The following ITSN1 variants were observed in gnomAD, a reference collection of about 807,000 sequenced individuals.
ITSN1 encodes the protein intersectin 1, also known as intersectin-1.
In ITSN1, 58 loss-of-function variants were observed where a neutral mutation model predicts 239.8. That is an observed-to-expected ratio of 0.24 (90% CI 0.20 to 0.30). The LOEUF (loss-of-function observed/expected upper bound fraction) is 0.30, where lower values mean the gene tolerates loss of function less well. ITSN1 is among the 10% of genes least tolerant of loss of function. The pLI is 1.00. For missense variants in ITSN1, 1,558 were observed against 2,103.3 expected (o/e 0.74, Z 5.07); for synonymous variants, 780 against 770.8 (o/e 1.01, Z -0.20).
Position 33,755,278 on chromosome 21 carries a change from C to T in ITSN1, c.624-19C>T. 6.6e-7 allele frequency: 1 copy of T among 1,503,906 alleles called. No individual in the cohort carries two copies. The highest frequency in any genetic ancestry group is 9.2e-7 in the Non-Finnish European group (1 of 1,091,318). 93.2% of individuals were successfully genotyped at this position (1,503,906 alleles called of 1,614,324 possible). A position where few individuals can be genotyped will look rare whatever the true frequency, so the allele number is the denominator to read the frequency against. On this transcript the variant is annotated intron_variant, in intron 7 of 39. Coordinates refer to ENST00000381318, the MANE Select transcript of ITSN1 (RefSeq NM_003024.3). ...CCTTATGGATAATCCTCTTTCTCTCCTTTTTCTTTTCCCCACAGTGTCCCA... is the reference window on the plus strand; with the variant it reads ...CCTTATGGATAATCCTCTTTCTCTCTTTTTTCTTTTCCCCACAGTGTCCCA...
At chr21:33,828,216 A>G (rs1376457264) in intron 26 of ITSN1, among the ~76,000 whole-genome samples, 1 of 152,264 alleles carries the variant, frequency 6.6e-6, no homozygotes, top group East Asian at 1.9e-4. Context: ...CTTGAGGAGC[A>G]AGAACATCCA....
rs775912926 is a variant in ITSN1 at position 33,888,176 on chromosome 21, G to A, written c.5042G>A (p.Arg1681His). The change falls in exon 40 of 40, where the codon CGT (arginine) becomes CAT (histidine). Residue 1681 changes from arginine (R) to histidine (H), a missense_variant. This residue lies in a region of ITSN1 where 576 missense variants were observed against 893.3 expected (regional missense o/e 0.64). Coordinates refer to ENST00000381318, the MANE Select transcript of ITSN1 (RefSeq NM_003024.3). Reference sequence around the variant, plus strand: ...GATTTTTTGGGTCGGACGGAGATCCGTGTGGCGGACATCAAGAAAGACCAG... The same window carrying A: ...GATTTTTTGGGTCGGACGGAGATCCATGTGGCGGACATCAAGAAAGACCAG... The part of the protein sequence containing the change: ...PDDFLGRTEI[R>H]VADIKKDQGS... The A allele has an allele frequency of 5.0e-6, 8 of 1,613,960 alleles. No homozygotes were observed. Among genetic ancestry groups the A allele is most frequent in the African/African-American group, 2.7e-5 (2 of 74,880 alleles).
intron 22 of ITSN1, chr21:33,817,396 C>T (rs1354211514): frequency 1.5e-6 from 2 of 1,304,462 alleles, no homozygotes; most frequent in East Asian, 5.5e-5. Flanking sequence ...AAGTCCTTCT[C>T]ATCCTTCAAG....
In ITSN1 at chr21:33,891,528, G is replaced by C. The variant is rs1308005736; in HGVS notation, c.*3228G>C. ...CTTATCTCGGTGACCTGGTACCAAA[G>C]CCCAGGTGTCCTCCAGGGGAGTATT... On this transcript the variant is annotated 3_prime_UTR_variant, in exon 40 of 40. Coordinates refer to ENST00000381318, the MANE Select transcript of ITSN1 (RefSeq NM_003024.3). 1 of 152,092 alleles carries C rather than the reference G, an allele frequency of 6.6e-6. No homozygotes were observed. The highest frequency in any genetic ancestry group is 1.5e-5 in the Non-Finnish European group (1 of 68,024). The allele number at this position is 152,092 out of a possible 1,614,324, so 9.4% of individuals were successfully genotyped here. A position where few individuals can be genotyped will look rare whatever the true frequency, so the allele number is the denominator to read the frequency against.
chr21:33,730,385 G>GTT (rs2066097187), intron 4 of ITSN1, among the ~76,000 whole-genome samples: 5 of 75,834 alleles, frequency 6.6e-5, no homozygotes, highest in Admixed American at 1.7e-4. Context: ...AATGCTCTCT[G>GTT]TTCTTTTTTT....
intron 1 of ITSN1, among the ~76,000 whole-genome samples, chr21:33,681,616 TTTTTATTTTATTTTATTTTATTTTA>T (rs147580027): frequency 4.1e-5 from 6 of 147,156 alleles, no homozygotes; most frequent in Non-Finnish European, 7.5e-5. Flanking sequence ...TTGGAACCAG[TTTTTATTTTATTTTATTTTATTTTA>T]TTTTATTTTA....
At chr21:33,685,384 T>G (rs2091188442) in intron 1 of ITSN1, among the ~76,000 whole-genome samples, 1 of 152,112 alleles carries the variant, frequency 6.6e-6, no homozygotes, top group South Asian at 2.1e-4. Flanking sequence ...CTGTACTGCT[T>G]TGGTGGTGCC....
rs143129597 is a variant in ITSN1 at position 33,755,936 on chromosome 21, C to T, written c.724+539C>T. Among the ~76,000 whole-genome samples the T allele has an allele frequency of 1.3e-3, 201 of 152,238 alleles. 2 individuals are homozygous for T. The highest frequency in any genetic ancestry group is 4.7e-3 in the African/African-American group (195 of 41,538). ...AAAAGAAGAATGATTCTGTTATCTA[C>T]GTCAGAAGGATAGACAGGAATTTTA... On this transcript the variant is annotated intron_variant, in intron 8 of 39. Transcript: ENST00000381318.
intron 1 of ITSN1, among the ~76,000 whole-genome samples, chr21:33,717,597 C>T (rs2065227531): frequency 1.3e-5 from 2 of 151,888 alleles, no homozygotes; most frequent in African/African-American, 4.8e-5. Flanking sequence ...GCTAAGTCAC[C>T]CAGGCTGGAG....
intron 1 of ITSN1, among the ~76,000 whole-genome samples, chr21:33,658,330 C>T (rs2089263753): frequency 6.6e-6 from 1 of 152,072 alleles, no homozygotes; most frequent in South Asian, 2.1e-4. Context: ...AGTGGACCCA[C>T]ACAGTTAAAA....
intron 39 of ITSN1, among the ~76,000 whole-genome samples, chr21:33,887,651 G>C (rs927519309): frequency 2.0e-5 from 3 of 151,484 alleles, no homozygotes; most frequent in Non-Finnish European, 4.4e-5. Flanking sequence ...TGTCACTCAG[G>C]CTGGAGCACA....
chr21:33,865,257 T>G lies in ITSN1; in HGVS notation c.3997T>G (p.Cys1333Gly). The G allele has an allele frequency of 6.2e-7, 1 of 1,610,402 alleles. No individual in the cohort carries two copies. The highest frequency in any genetic ancestry group is 8.5e-7 in the Non-Finnish European group (1 of 1,178,636). ...GCACATGCAGCCCTACATCCGCTTC[T>G]GCAGCCGCCAGCTCAACGGGGCTGC... is the stretch of plus-strand genomic sequence containing the variant. ...LPHMQPYIRF[C>G]SRQLNGAALI... Residue 1333 changes from cysteine (C) to glycine (G), a missense_variant, in exon 32 of 40, where the codon TGC (cysteine) becomes GGC (glycine). Physicochemically the swap from Cys to Gly is radical, Grantham distance 159. Coordinates refer to ENST00000381318, the MANE Select transcript of ITSN1 (RefSeq NM_003024.3). This position sits in a 1 kb window ranked among gnomAD's most constrained non-coding sequence, Gnocchi z 4.4.
chr21:33,681,658 T>TTTTTG (rs2090965098), intron 1 of ITSN1, among the ~76,000 whole-genome samples: 1 of 137,254 alleles, frequency 7.3e-6, no homozygotes, highest in Non-Finnish European at 1.6e-5. Context: ...TTTATTTTAT[T>TTTTTG]TTTTGTTTTG....
chr21:33,818,155 C>G, intron 22 of ITSN1, 112 bp from the exon 23 acceptor site: 1 of 791,566 alleles, frequency 1.3e-6, no homozygotes, highest in African/African-American at 1.7e-5. Context: ...CCCTTTGTGG[C>G]TGTGTGTGCT....
intron 21 of ITSN1, among the ~76,000 whole-genome samples, chr21:33,811,715 GGTGTTT>G (rs1339526973): frequency 6.6e-6 from 1 of 152,192 alleles, no homozygotes; most frequent in Non-Finnish European, 1.5e-5. Flanking sequence ...AGAATGAAGA[GGTGTTT>G]GCACTTGGCC....
intron 14 of ITSN1, among the ~76,000 whole-genome samples, chr21:33,776,386 TA>T (rs577351835): frequency 0.094 from 11,830 of 126,140 alleles, 651 homozygotes; most frequent in Non-Finnish European, 0.12. Flanking sequence ...ACCCCATCTC[TA>T]AAAAAAAAAA....
intron 1 of ITSN1, among the ~76,000 whole-genome samples, chr21:33,662,318 A>G (rs899678216): frequency 2.0e-5 from 3 of 151,828 alleles, no homozygotes; most frequent in Non-Finnish European, 2.9e-5. Flanking sequence ...CTTTCCATCT[A>G]TTTTCTAGGG....
chr21:33,835,434 T>C (rs561578748), intron 28 of ITSN1, among the ~76,000 whole-genome samples: 1 of 152,296 alleles, frequency 6.6e-6, no homozygotes, highest in South Asian at 2.1e-4. Context: ...TATTTATTAA[T>C]AGGTTGGTTA....
chr21:33,696,122 A>C (rs148088995), intron 1 of ITSN1, among the ~76,000 whole-genome samples: 11 of 152,322 alleles, frequency 7.2e-5, no homozygotes, highest in Non-Finnish European at 1.3e-4. Flanking sequence ...TAATGACTGC[A>C]TTGTCCTTTG....
Sources: allele counts gnomAD v4.1 joint callset (sites outside exome capture counted in the v4.1 genomes callset), GRCh38; gene constraint gnomAD v4.1.1; regional missense constraint gnomAD v4.1.1; non-coding constraint Gnocchi (gnomAD v3.1); transcripts MANE v1.5; gene names NCBI Gene and HGNC (gene_info 2026-07-23, HGNC 2026-07-21).